The following ADAMTS17 variants were observed in gnomAD, a reference collection of about 807,000 sequenced individuals.
ADAMTS17 encodes the protein ADAM metallopeptidase with thrombospondin type 1 motif 17.
A neutral mutation model predicts 141.5 loss-of-function variants in ADAMTS17; 113 were observed. The ratio of observed to expected loss-of-function variants is 0.80; its 90% CI spans 0.69 to 0.93. The LOEUF (loss-of-function observed/expected upper bound fraction) is 0.93, where lower values mean the gene tolerates loss of function less well. Ranked by LOEUF, ADAMTS17 falls within the 40% of genes least tolerant of loss-of-function variation. The pLI is 0.00. For missense variants in ADAMTS17, 1,659 were observed against 1,517.9 expected, an observed-to-expected ratio of 1.09 and a Z score of -1.54; for synonymous variants, 768 against 630.6, an observed-to-expected ratio of 1.22 and a Z score of -3.27.
chr15:100,075,435 G>A (rs112860236), intron 15 of ADAMTS17, among the ~76,000 whole-genome samples: 7 of 152,074 alleles, frequency 4.6e-5, no homozygotes, highest in African/African-American at 1.7e-4. Flanking sequence ...CCTTATCCTT[G>A]AATGTCAATT....
chr15:100,119,301 C>G (rs1213477980), intron 12 of ADAMTS17, among the ~76,000 whole-genome samples: 1 of 152,102 alleles, frequency 6.6e-6, no homozygotes, highest in Non-Finnish European at 1.5e-5. Flanking sequence ...CCGGACGACA[C>G]AAGGACCAGA....
rs140122574 is a variant in ADAMTS17, at chr15:100,315,673, C to T, written c.616+15216G>A. Among the ~76,000 whole-genome samples the T allele has an allele frequency of 2.0e-5, 3 of 151,996 alleles. No individual in the cohort carries two copies. The East Asian group carries it at 5.8e-4, about 29-fold the overall frequency. On this transcript the variant is annotated intron_variant, in intron 3 of 21. Transcript: ENST00000268070. ...CAACACAATGAGACCCCTGCGTCCA[C>T]AAAAAATTTTAAAAAAAATTACAGA...
intron 4 of ADAMTS17, among the ~76,000 whole-genome samples, chr15:100,269,748 C>T (rs1567461760): frequency 6.6e-6 from 1 of 152,200 alleles, no homozygotes; most frequent in East Asian, 1.9e-4. Flanking sequence ...CCAGCCCTCA[C>T]TCCTCACCTG....
At chr15:100,167,631 T>A (rs1287373859) in intron 8 of ADAMTS17, among the ~76,000 whole-genome samples, 1 of 152,202 alleles carries the variant, frequency 6.6e-6, no homozygotes, top group African/African-American at 2.4e-5. Flanking sequence ...CCGAGGCACC[T>A]TCCTATGGAT....
intron 18 of ADAMTS17, among the ~76,000 whole-genome samples, chr15:100,047,116 A>G (rs1486799834): frequency 6.6e-6 from 1 of 151,896 alleles, no homozygotes. Context: ...TTGAGACAGT[A>G]GGCATGAAAT....
chr15:100,196,297 G>A (rs954152609), intron 8 of ADAMTS17, among the ~76,000 whole-genome samples: 4 of 152,252 alleles, frequency 2.6e-5, no homozygotes, highest in African/African-American at 9.6e-5. Context: ...ATTCCAGGAT[G>A]TAGATGAGTT....
chr15:100,323,488 G>T (rs945985992), intron 3 of ADAMTS17, among the ~76,000 whole-genome samples: 4 of 152,178 alleles, frequency 2.6e-5, no homozygotes, highest in Admixed American at 2.6e-4. Context: ...CCCTACAGGT[G>T]TGCTTACAGG....
At chr15:100,287,647 C>T (rs912888375) in intron 3 of ADAMTS17, among the ~76,000 whole-genome samples, 3 of 152,166 alleles carry the variant, frequency 2.0e-5, no homozygotes, top group African/African-American at 7.2e-5. Context: ...AGAGGTAGGT[C>T]ACCTACGAAG....
intron 3 of ADAMTS17, among the ~76,000 whole-genome samples, chr15:100,326,081 T>C (rs2050714725): frequency 6.6e-6 from 1 of 152,236 alleles, no homozygotes; most frequent in Non-Finnish European, 1.5e-5. Context: ...ATCAAGGGAC[T>C]CTTTTTCTGG....
At chr15:100,172,867 G>A (rs2040211023) in intron 8 of ADAMTS17, among the ~76,000 whole-genome samples, 1 of 152,190 alleles carries the variant, frequency 6.6e-6, no homozygotes, top group South Asian at 2.1e-4. Flanking sequence ...TTGTCTGAAT[G>A]CTAATTTTTC....
At chr15:100,326,345 C>T (rs547146397) in intron 3 of ADAMTS17, among the ~76,000 whole-genome samples, 1 of 152,158 alleles carries the variant, frequency 6.6e-6, no homozygotes, top group African/African-American at 2.4e-5. Context: ...ACTGGATACA[C>T]TACAAAATCA....
At chr15:100,073,069 A>G (rs1182428020) in intron 15 of ADAMTS17, among the ~76,000 whole-genome samples, 1 of 152,186 alleles carries the variant, frequency 6.6e-6, no homozygotes, top group Non-Finnish European at 1.5e-5. Context: ...TCTACAAGAA[A>G]AAAACAAACA....
intron 7 of ADAMTS17, among the ~76,000 whole-genome samples, chr15:100,225,821 C>A (rs1202026367): frequency 6.7e-6 from 1 of 149,218 alleles, no homozygotes; most frequent in African/African-American, 2.5e-5. Context: ...GTCCTTACAG[C>A]AGTCACGGTC....
At chr15:100,337,319 C>T (rs1222867769) in intron 2 of ADAMTS17, among the ~76,000 whole-genome samples, 1 of 152,246 alleles carries the variant, frequency 6.6e-6, no homozygotes, top group Admixed American at 6.5e-5. Flanking sequence ...AACATGGACA[C>T]GTGGTCTGCA....
intron 7 of ADAMTS17, among the ~76,000 whole-genome samples, chr15:100,232,530 C>T (rs546475872): frequency 7.9e-5 from 12 of 152,336 alleles, no homozygotes; most frequent in Admixed American, 1.3e-4. Context: ...ACATGAAACA[C>T]GCTGGTGGGA....
At position 100,191,573 on chromosome 15, in the gene ADAMTS17, A is replaced by G. The variant is rs146817146; in HGVS notation, c.1181+7745T>C. The stretch of plus-strand genomic sequence containing the variant: ...TCGCCTCGCATGAGACTCCACATCA[A>G]TGATGAGACTCCAAGGAAGAGCAAT... On this transcript the variant is annotated intron_variant, in intron 8 of 21. Coordinates refer to ENST00000268070, the MANE Select transcript of ADAMTS17 (RefSeq NM_139057.4). Among the ~76,000 whole-genome samples the G allele has an allele frequency of 2.1e-3, 314 of 152,362 alleles. 4 individuals carry two copies. Among genetic ancestry groups the G allele is most frequent in the African/African-American group, 6.7e-3 (280 of 41,578 alleles).
At position 100,116,860 on chromosome 15, in the gene ADAMTS17, G is replaced by A. The variant is rs34558152; in HGVS notation, c.1875C>T (p.Ala625=). ...ATATGCCTTTACCGTCAACCACCAC[G>A]GCTGTCAGCAGGCCTTTCTTCTTGG... ...LSPKKKGLLT[A]VVVDDKPCEL... Residue 625 remains alanine, a synonymous_variant, in exon 13 of 22, where the codon GCC becomes GCT. Coordinates refer to ENST00000268070, the MANE Select transcript of ADAMTS17 (RefSeq NM_139057.4). The A allele has an allele frequency of 0.011, 18,077 of 1,614,154 alleles. 137 individuals are homozygous for A. Among genetic ancestry groups the A allele is most frequent in the Non-Finnish European group, 0.014 (15,953 of 1,180,032 alleles).
intron 3 of ADAMTS17, among the ~76,000 whole-genome samples, chr15:100,313,690 C>T (rs1296859647): frequency 6.6e-6 from 1 of 152,250 alleles, no homozygotes; most frequent in Non-Finnish European, 1.5e-5. Flanking sequence ...CAGAACACAA[C>T]ATCACTGCTT....
At chr15:100,123,660 A>C (rs1308207300) in intron 12 of ADAMTS17, among the ~76,000 whole-genome samples, 3 of 152,202 alleles carry the variant, frequency 2.0e-5, no homozygotes, top group East Asian at 3.9e-4. Context: ...CCATTACTTC[A>C]TTAAATCCAC....
Sources: gnomAD v4.1 joint callset for allele counts (sites outside exome capture counted in the v4.1 genomes callset) on GRCh38, gnomAD v4.1.1 for gene constraint, MANE v1.5 for transcripts, NCBI Gene and HGNC (gene_info 2026-07-23, HGNC 2026-07-21) for gene names.